The following PDE4B variants were observed in gnomAD, a reference collection of about 807,000 sequenced individuals.
PDE4B encodes 3',5'-cyclic-AMP phosphodiesterase 4B.
In PDE4B, 20 loss-of-function variants were observed where a neutral mutation model predicts 82.2. The observed-to-expected ratio is 0.24, with a 90% CI of 0.17 to 0.35. The LOEUF (loss-of-function observed/expected upper bound fraction) is 0.35. Ranked by LOEUF, PDE4B falls within the 10% of genes least tolerant of loss-of-function variation. The pLI is 1.00. For missense variants in PDE4B, 655 were observed against 907.2 expected (o/e 0.72, Z 3.57); for synonymous variants, 320 against 318.9 (o/e 1.00, Z -0.04).
chr1:65,983,952 T>C (rs939471119), intron 3 of PDE4B, among the ~76,000 whole-genome samples: 1 of 152,204 alleles, frequency 6.6e-6, no homozygotes, highest in Middle Eastern at 3.2e-3. Context: ...TGCAGGGCTA[T>C]ATATGACCCA....
chr1:66,358,516 A>T (rs1370808492), intron 9 of PDE4B, among the ~76,000 whole-genome samples: 1 of 152,072 alleles, frequency 6.6e-6, no homozygotes, highest in Admixed American at 6.5e-5. Context: ...CTCTACTAAA[A>T]ATACAAAAAT....
intron 1 of PDE4B, among the ~76,000 whole-genome samples, chr1:65,896,052 G>T (rs1646907120): frequency 6.6e-6 from 1 of 151,424 alleles, no homozygotes; most frequent in Non-Finnish European, 1.5e-5. Context: ...GAAGGATGTT[G>T]GTATTTGTTT....
At chr1:65,908,846 A>T (rs1432990145) in intron 1 of PDE4B, among the ~76,000 whole-genome samples, 2 of 152,186 alleles carry the variant, frequency 1.3e-5, no homozygotes. Context: ...AGAAGCAGAG[A>T]CACTCAAAAA....
chr1:66,222,452 A>G (rs1651071697), intron 3 of PDE4B, among the ~76,000 whole-genome samples: 1 of 152,262 alleles, frequency 6.6e-6, no homozygotes, highest in African/African-American at 2.4e-5. Context: ...ATAAGCACCT[A>G]GTAAAAGTTG....
intron 1 of PDE4B, among the ~76,000 whole-genome samples, chr1:65,843,470 C>T (rs959688992): frequency 2.6e-5 from 4 of 152,146 alleles, no homozygotes; most frequent in Non-Finnish European, 5.9e-5. Context: ...TTATGAGAAG[C>T]ACCTCTTGTT....
intron 3 of PDE4B, among the ~76,000 whole-genome samples, chr1:66,129,733 A>G (rs938908127): frequency 6.6e-6 from 1 of 151,948 alleles, no homozygotes; most frequent in African/African-American, 2.4e-5. Flanking sequence ...GGGGAAAGAC[A>G]TATCTATTTC....
chr1:66,333,021 C>G (rs564357631), intron 8 of PDE4B, among the ~76,000 whole-genome samples: 12 of 152,284 alleles, frequency 7.9e-5, no homozygotes, highest in African/African-American at 2.9e-4. Flanking sequence ...TATTTTTAAA[C>G]AAGAAAGTAG....
At chr1:66,248,647 C>T (rs941411427) in intron 4 of PDE4B, among the ~76,000 whole-genome samples, 18 of 152,164 alleles carry the variant, frequency 1.2e-4, no homozygotes, top group African/African-American at 3.9e-4. Flanking sequence ...TCCTTTGTGC[C>T]ACACATTGTG....
rs115044638 is a variant in PDE4B at position 65,944,555 on chromosome 1, G to A, written c.281+25720G>A. On this transcript the variant is annotated intron_variant, in intron 3 of 16. Coordinates refer to ENST00000341517, the MANE Select transcript of PDE4B (RefSeq NM_002600.4). ...GGGGCAGATAAATTGATAGTTGAATGTTTTATAGACAGGGAAATGGAATCC... is the reference window on the plus strand; with the variant it reads ...GGGGCAGATAAATTGATAGTTGAATATTTTATAGACAGGGAAATGGAATCC... Among the ~76,000 whole-genome samples, 733 of 152,050 alleles carry A rather than the reference G, an allele frequency of 4.8e-3. 4 individuals are homozygous for A. The highest frequency in any genetic ancestry group is 0.017 in the African/African-American group (716 of 41,496).
intron 3 of PDE4B, among the ~76,000 whole-genome samples, chr1:66,228,077 A>G (rs1651599543): frequency 6.6e-6 from 1 of 152,160 alleles, no homozygotes; most frequent in South Asian, 2.1e-4. Flanking sequence ...ATTCAAATAC[A>G]CTAGGCATGC....
intron 3 of PDE4B, among the ~76,000 whole-genome samples, chr1:66,192,781 C>T (rs1408938096): frequency 2.0e-5 from 3 of 152,034 alleles, no homozygotes; most frequent in African/African-American, 4.8e-5. Context: ...AGTCTTGAGA[C>T]ATATGGCAAT....
intron 16 of PDE4B, among the ~76,000 whole-genome samples, chr1:66,370,489 C>G (rs1026020736): frequency 6.6e-6 from 1 of 152,190 alleles, no homozygotes; most frequent in African/African-American, 2.4e-5. Flanking sequence ...CAGCAGCTCT[C>G]TCATCCAAAG....
rs72918238 is a variant in PDE4B, at chr1:66,039,025, A to T, written c.281+120190A>T. Among the ~76,000 whole-genome samples, 1,266 of 152,188 alleles carry T rather than the reference A, an allele frequency of 8.3e-3. 16 individuals are homozygous for T. The highest frequency in any genetic ancestry group is 0.028 in the African/African-American group (1,183 of 41,548). On this transcript the variant is annotated intron_variant, in intron 3 of 16. Transcript: ENST00000341517. ...TGCAACTCCCCCAGAATCCCACAGAATTTGATTTCTACCTCTTAGTGCACA... is the reference window on the plus strand; with the variant it reads ...TGCAACTCCCCCAGAATCCCACAGATTTTGATTTCTACCTCTTAGTGCACA...
At chr1:65,893,631 G>C (rs1026725100) in intron 1 of PDE4B, among the ~76,000 whole-genome samples, 3 of 151,864 alleles carry the variant, frequency 2.0e-5, no homozygotes, top group Admixed American at 6.6e-5. Context: ...CAATCCAGCA[G>C]TCCCACTACT....
chr1:66,258,020 A>C (rs892957438), intron 6 of PDE4B, among the ~76,000 whole-genome samples, 157 bp downstream of exon 6: 16 of 152,198 alleles, frequency 1.1e-4, no homozygotes, highest in Admixed American at 9.2e-4. Context: ...GCACCATAGT[A>C]TTTTAGAACT....
chr1:66,152,588 ATG>A (rs565977541), intron 3 of PDE4B: 4,758 of 212,146 alleles, frequency 0.022, 204 homozygotes, highest in African/African-American at 0.12. Context: ...GTGCATATAT[ATG>A]TGTGTGTGTG....
intron 3 of PDE4B, among the ~76,000 whole-genome samples, chr1:66,235,984 G>T (rs1040757478): frequency 6.6e-6 from 1 of 152,174 alleles, no homozygotes; most frequent in Non-Finnish European, 1.5e-5. Context: ...TGCTGTGATT[G>T]GCTGAGCTCA....
intron 3 of PDE4B, among the ~76,000 whole-genome samples, chr1:66,168,384 A>G (rs181011064): frequency 3.9e-5 from 6 of 152,318 alleles, no homozygotes; most frequent in Non-Finnish European, 7.4e-5. Context: ...CTGTTGTGGT[A>G]GGGTGGTCAG....
chr1:66,284,219 A>G (rs746853685), intron 7 of PDE4B, among the ~76,000 whole-genome samples: 6 of 152,196 alleles, frequency 3.9e-5, no homozygotes, highest in Non-Finnish European at 8.8e-5. Flanking sequence ...AGCTGTACCT[A>G]GGAAATTTAT....
Sources: allele counts gnomAD v4.1 joint callset (sites outside exome capture counted in the v4.1 genomes callset), GRCh38; gene constraint gnomAD v4.1.1; transcripts MANE v1.5; gene names NCBI Gene and HGNC (gene_info 2026-07-23, HGNC 2026-07-21).